The following CELF2 variants were observed in gnomAD, a reference collection of about 807,000 sequenced individuals.
CELF2 encodes the protein CUGBP Elav-like family member 2.
Under a neutral mutation model 62.6 loss-of-function variants are expected in CELF2, and 8 were observed. That is an observed-to-expected ratio of 0.13 (90% CI 0.07 to 0.23). The LOEUF (loss-of-function observed/expected upper bound fraction) is 0.23, where lower values mean the gene tolerates loss of function less well. Among genes scored for constraint, CELF2 ranks in the 10% least tolerant of loss-of-function variants. The probability of loss-of-function intolerance (pLI) is 1.00; values close to 1 mark genes in which losing one functional copy is unlikely to be tolerated. For missense variants in CELF2, 333 were observed against 671.0 expected (o/e 0.50, Z 5.56); for synonymous variants, 258 against 250.0 (o/e 1.03, Z -0.30).
chr10:10,909,134 G>A (rs2063591850), intron 1 of CELF2, among the ~76,000 whole-genome samples: 1 of 152,138 alleles, frequency 6.6e-6, no homozygotes, highest in Admixed American at 6.5e-5. Context: ...TTAACTGAGG[G>A]GAGCCCCATG....
rs772787143 is a variant in CELF2, at chr10:11,314,448, C to T, written c.1096+190C>T. The T allele has an allele frequency of 1.4e-6, 1 of 699,090 alleles. No homozygotes were observed. Among genetic ancestry groups the T allele is most frequent in the Admixed American group, 2.1e-5 (1 of 48,694 alleles). 43.3% of individuals were successfully genotyped at this position (699,090 alleles called of 1,614,324 possible). Reference sequence around the variant, plus strand: ...CGTTTTGCCTCAGAAAATCCCCAACCACTCTCCACCCCCAGATTCTCTTCA... The same window carrying T: ...CGTTTTGCCTCAGAAAATCCCCAACTACTCTCCACCCCCAGATTCTCTTCA... On this transcript the variant is annotated intron_variant, in intron 10 of 12. Transcript: ENST00000633077. The surrounding 1 kb of genome is among the most constrained non-coding windows in gnomAD (Gnocchi z 5.3).
intron 1 of CELF2, among the ~76,000 whole-genome samples, chr10:10,857,578 T>C (rs1204415353): frequency 6.7e-6 from 1 of 149,100 alleles, no homozygotes; most frequent in Non-Finnish European, 1.5e-5. Context: ...TGTACTGAAC[T>C]GTACATTTTA....
the CELF2 span, among the ~76,000 whole-genome samples, chr10:10,687,870 C>T: frequency 6.6e-6 from 1 of 152,168 alleles, no homozygotes; most frequent in African/African-American, 2.4e-5. Context: ...ATCAGAACAG[C>T]CAGAATGTCT....
rs191347693 is a variant in CELF2, at chr10:10,992,016, G to C, written c.89+72017G>C. On this transcript the variant is annotated intron_variant, in intron 2 of 13. Transcript: ENST00000636488. ...TACTGTGTGCCAGGTACCTTAATAG[G>C]CATTGGGAAATATGGAAATTCTTAT... Among the ~76,000 whole-genome samples, 174 of 152,228 alleles carry C rather than the reference G, an allele frequency of 1.1e-3. 5 individuals are homozygous for C. Among genetic ancestry groups the C allele is most frequent in the Admixed American group, 0.011 (174 of 15,288 alleles).
chr10:10,719,247 C>T, the CELF2 span, among the ~76,000 whole-genome samples: 3 of 151,966 alleles, frequency 2.0e-5, no homozygotes, highest in Non-Finnish European at 4.4e-5. Context: ...CGTGAGCCAC[C>T]GCACCCGGCC....
intron 2 of CELF2, among the ~76,000 whole-genome samples, chr10:11,192,694 C>T (rs2076536053): frequency 6.6e-6 from 1 of 152,216 alleles, no homozygotes; most frequent in Admixed American, 6.5e-5. Context: ...TGCCCACCCT[C>T]ACAGAGTTCT....
At chr10:10,560,472 A>G in the CELF2 span, among the ~76,000 whole-genome samples, 1 of 152,134 alleles carries the variant, frequency 6.6e-6, no homozygotes, top group South Asian at 2.1e-4. Flanking sequence ...ATGAGGGGTA[A>G]TATTCTCAGA....
intron 5 of CELF2, among the ~76,000 whole-genome samples, chr10:11,265,055 C>A (rs2081809726): frequency 6.6e-6 from 1 of 152,220 alleles, no homozygotes; most frequent in Non-Finnish European, 1.5e-5. Flanking sequence ...AATGGGCAGG[C>A]ATTGCTTTCT....
chr10:10,715,975 C>A, the CELF2 span, among the ~76,000 whole-genome samples: 1 of 152,266 alleles, frequency 6.6e-6, no homozygotes, highest in East Asian at 1.9e-4. Context: ...GATATAGTCC[C>A]AATACAGTTC....
rs1036036265 is a variant in CELF2 at position 10,947,862 on chromosome 10, C to A, written c.89+27863C>A. On this transcript the variant is annotated intron_variant, in intron 2 of 13. Coordinates refer to the CELF2 transcript ENST00000636488. This position sits in a 1 kb window ranked among gnomAD's most constrained non-coding sequence, Gnocchi z 4.1. ...TGAAGAGTGTATTGGAGCAAGCCAG[C>A]AGAGGAGAGGTGGGATCCCATAGGA... Among the ~76,000 whole-genome samples the A allele has an allele frequency of 6.6e-6, 1 of 152,132 alleles. No individual in the cohort carries two copies. The highest frequency in any genetic ancestry group is 1.5e-5 in the Non-Finnish European group (1 of 68,040).
the CELF2 span, among the ~76,000 whole-genome samples, chr10:10,678,463 C>G: frequency 1.3e-5 from 2 of 152,116 alleles, no homozygotes; most frequent in African/African-American, 2.4e-5. Flanking sequence ...TTCCATGGAA[C>G]AGCACTGCAC....
chr10:10,653,760 A>C, the CELF2 span, among the ~76,000 whole-genome samples: 1 of 148,940 alleles, frequency 6.7e-6, no homozygotes, highest in Non-Finnish European at 1.5e-5. Context: ...CCACAAGAGA[A>C]AGCAGGAAAG....
intron 2 of CELF2, among the ~76,000 whole-genome samples, chr10:11,174,840 G>C (rs1003069575): frequency 6.6e-6 from 1 of 152,118 alleles, no homozygotes; most frequent in Admixed American, 6.5e-5. Flanking sequence ...AACTACTATA[G>C]TTTAATGGGA....
At chr10:10,785,281 A>G in the CELF2 span, among the ~76,000 whole-genome samples, 1 of 152,182 alleles carries the variant, frequency 6.6e-6, no homozygotes, top group African/African-American at 2.4e-5. Flanking sequence ...ATTCTATCTC[A>G]ATATCATCTG....
intron 1 of CELF2, among the ~76,000 whole-genome samples, chr10:10,910,614 C>T (rs773930177): frequency 1.4e-5 from 2 of 144,084 alleles, no homozygotes; most frequent in South Asian, 2.3e-4. Context: ...GCAAGAGAAT[C>T]GCTTGAACCT....
intron 1 of CELF2, among the ~76,000 whole-genome samples, chr10:10,805,061 A>G (rs1313307024): frequency 6.6e-6 from 1 of 152,256 alleles, no homozygotes; most frequent in Non-Finnish European, 1.5e-5. Flanking sequence ...AAGAATTATC[A>G]GTGCTTTCTA....
At chr10:11,019,579 A>G (rs2057962834) in intron 1 of CELF2, among the ~76,000 whole-genome samples, 1 of 149,916 alleles carries the variant, frequency 6.7e-6, no homozygotes. Flanking sequence ...TTGAGCTGCA[A>G]GGACCTCCCC....
chr10:10,821,090 A>G (rs1047029914), intron 1 of CELF2, among the ~76,000 whole-genome samples: 5 of 152,234 alleles, frequency 3.3e-5, no homozygotes, highest in African/African-American at 9.6e-5. Flanking sequence ...AAGGAAAAGA[A>G]AGTGTCCAGC....
chr10:10,630,538 T>C, the CELF2 span, among the ~76,000 whole-genome samples: 27 of 152,310 alleles, frequency 1.8e-4, no homozygotes, highest in South Asian at 3.7e-3. Flanking sequence ...CTCTAGTGAC[T>C]ACAGTTGAAA....
Sources: allele counts gnomAD v4.1 joint callset (sites outside exome capture counted in the v4.1 genomes callset), GRCh38; gene constraint gnomAD v4.1.1; non-coding constraint Gnocchi (gnomAD v3.1); transcripts MANE v1.5; gene names NCBI Gene and HGNC (gene_info 2026-07-23, HGNC 2026-07-21).